Variants in RFC3 observed in about 807,000 individuals in gnomAD.
RFC3 encodes the protein replication factor C subunit 3.
A neutral mutation model predicts 45.1 loss-of-function variants in RFC3; 41 were observed. The ratio of observed to expected loss-of-function variants is 0.91; its 90% confidence interval spans 0.71 to 1.18. The LOEUF is 1.18. RFC3 is among the 50% of genes most tolerant of loss of function. The pLI is 0.00. For synonymous variants in RFC3, 149 were observed against 144.0 expected (o/e 1.03, Z -0.25); for missense variants, 423 against 428.1 (o/e 0.99, Z 0.10).
rs545659711 is a variant in RFC3, at chr13:33,835,307, T to C, written c.879+90T>C. The C allele has an allele frequency of 2.6e-4, 207 of 808,004 alleles. 2 individuals are homozygous for C. In the East Asian group the frequency reaches 4.8e-3, roughly 19 times the overall value. The allele number at this position is 808,004 out of a possible 1,614,324, so 50.1% of individuals were successfully genotyped here. ...TAGGGCTTTTTGCAGTATCAAGATA[T>C]CACCTCTTTCTCTCCAGCGCATTAA... On this transcript the variant is annotated intron_variant, in intron 8 of 8. Coordinates refer to ENST00000380071, the MANE Select transcript of RFC3 (RefSeq NM_002915.4).
intron 8 of RFC3, among the ~76,000 whole-genome samples, chr13:33,925,648 AGTG>A (rs1267306365): frequency 6.6e-6 from 1 of 151,160 alleles, no homozygotes; most frequent in Non-Finnish European, 1.5e-5. Flanking sequence ...ATATGTATAT[AGTG>A]AAATGATTAC....
At chr13:33,834,736 A>G (rs562588915) in intron 7 of RFC3, among the ~76,000 whole-genome samples, 174 of 152,234 alleles carry the variant, frequency 1.1e-3, no homozygotes, top group African/African-American at 4.0e-3. Flanking sequence ...GAAAAGAAAA[A>G]CATATTACTT....
chr13:33,831,581 A>G (rs1015019027), intron 7 of RFC3, among the ~76,000 whole-genome samples: 11 of 97,394 alleles, frequency 1.1e-4, no homozygotes, highest in African/African-American at 8.4e-4. Context: ...CTTACATGTG[A>G]TCATGTAAAA....
At chr13:33,855,449 G>A (rs2082303033) in intron 8 of RFC3, among the ~76,000 whole-genome samples, 1 of 152,146 alleles carries the variant, frequency 6.6e-6, no homozygotes, top group Admixed American at 6.6e-5. Flanking sequence ...GTATGTGTGT[G>A]TGTCTTTATG....
At chr13:33,917,272 TG>T (rs2082739110) in intron 8 of RFC3, among the ~76,000 whole-genome samples, 1 of 152,114 alleles carries the variant, frequency 6.6e-6, no homozygotes, top group Non-Finnish European at 1.5e-5. Flanking sequence ...TGGCTTCTCG[TG>T]GGCCTCTTTA....
intron 8 of RFC3, among the ~76,000 whole-genome samples, chr13:33,872,100 A>T (rs2082413872): frequency 6.6e-6 from 1 of 152,292 alleles, no homozygotes; most frequent in Admixed American, 6.5e-5. Context: ...CTCTTGCCTA[A>T]TATCTACTTG....
chr13:33,965,116 C>T (rs2083079422), intron 8 of RFC3, among the ~76,000 whole-genome samples: 1 of 152,144 alleles, frequency 6.6e-6, no homozygotes, highest in Admixed American at 6.6e-5. Flanking sequence ...TGTTTTAAGG[C>T]ATCTAGTTTA....
At chr13:33,875,480 A>C (rs1433005337) in intron 8 of RFC3, among the ~76,000 whole-genome samples, 1 of 152,342 alleles carries the variant, frequency 6.6e-6, no homozygotes, top group East Asian at 1.9e-4. Flanking sequence ...AAACTGAAAA[A>C]TGTTAAACTT....
At chr13:33,865,860 C>G (rs921084372) in intron 8 of RFC3, among the ~76,000 whole-genome samples, 6 of 152,204 alleles carry the variant, frequency 3.9e-5, no homozygotes, top group Non-Finnish European at 8.8e-5. Flanking sequence ...TCCAGACCAG[C>G]CTGACCAACA....
chr13:33,939,147 T>C (rs888471468), intron 8 of RFC3, among the ~76,000 whole-genome samples: 2 of 152,194 alleles, frequency 1.3e-5, no homozygotes, highest in African/African-American at 4.8e-5. Flanking sequence ...TTTTAAAATA[T>C]ATGAATATAT....
At chr13:33,820,973 T>G (rs2081997411) in intron 1 of RFC3, among the ~76,000 whole-genome samples, 159 bp from the exon 2 acceptor site, 1 of 150,464 alleles carries the variant, frequency 6.6e-6, no homozygotes, top group South Asian at 2.1e-4. Context: ...CCCATGAAAC[T>G]CCAAGTTTTA....
chr13:33,865,527 A>T (rs1241108979), intron 8 of RFC3, among the ~76,000 whole-genome samples: 1 of 152,206 alleles, frequency 6.6e-6, no homozygotes, highest in Non-Finnish European at 1.5e-5. Flanking sequence ...CTACAGGGAA[A>T]TGAATTCTGA....
downstream of RFC3, among the ~76,000 whole-genome samples, chr13:33,968,791 T>C (rs1381548290): frequency 6.6e-6 from 1 of 152,216 alleles, no homozygotes; most frequent in Non-Finnish European, 1.5e-5. Flanking sequence ...GTCGTCAATA[T>C]CCTTGAAATT....
At chr13:33,834,298 G>GTGTGTGTGTATATATATATA (rs1302839326) in intron 7 of RFC3, among the ~76,000 whole-genome samples, 2 of 109,218 alleles carry the variant, frequency 1.8e-5, no homozygotes, top group African/African-American at 8.3e-5. Flanking sequence ...TGTACTGTGT[G>GTGTGTGTGTATATATATATA]TATATATATA....
intron 8 of RFC3, among the ~76,000 whole-genome samples, chr13:33,866,199 T>C (rs1178592117): frequency 6.6e-6 from 1 of 152,234 alleles, no homozygotes; most frequent in Admixed American, 6.5e-5. Flanking sequence ...TCACCAACGC[T>C]TTCACAAATA....
chr13:33,940,182 T>A (rs1448168662), intron 8 of RFC3, among the ~76,000 whole-genome samples: 2 of 152,222 alleles, frequency 1.3e-5, no homozygotes, highest in Admixed American at 6.5e-5. Flanking sequence ...ACATCATTAA[T>A]TTTGAACCTT....
At chr13:33,822,648 T>C (rs980485253) in intron 2 of RFC3, among the ~76,000 whole-genome samples, 6 of 152,334 alleles carry the variant, frequency 3.9e-5, no homozygotes, top group Middle Eastern at 3.4e-3. Context: ...TGTGTCATCA[T>C]AGCTAGTTAT....
chr13:33,949,293 G>C (rs1000893410), intron 8 of RFC3, among the ~76,000 whole-genome samples: 4 of 152,094 alleles, frequency 2.6e-5, no homozygotes, highest in Non-Finnish European at 5.9e-5. Context: ...TGCCATAATT[G>C]TAAGTTTCCT....
Position 33,825,788 on chromosome 13 carries a change from G to T in RFC3, c.294-1G>T. The T allele has an allele frequency of 6.3e-7, 1 of 1,588,576 alleles. No individual in the cohort carries two copies. The highest frequency in any genetic ancestry group is 8.6e-7 in the Non-Finnish European group (1 of 1,165,100). On this transcript the variant is annotated splice_acceptor_variant, in intron 3 of 8. Transcript: ENST00000380071. LOFTEE classifies it high-confidence loss of function. ...TATACCATTATTTTTGTTTTGTGTAGTGATGCTGGAAATAGTGACCGAGTA... is the reference window on the plus strand; with the variant it reads ...TATACCATTATTTTTGTTTTGTGTATTGATGCTGGAAATAGTGACCGAGTA...
Sources: allele counts gnomAD v4.1 joint callset (sites outside exome capture counted in the v4.1 genomes callset), GRCh38; gene constraint gnomAD v4.1.1; transcripts MANE v1.5; gene names NCBI Gene and HGNC (gene_info 2026-07-23, HGNC 2026-07-21).